GTF2F2: variants seen among roughly 807,000 people sequenced by gnomAD.
The protein encoded by GTF2F2 is ATP-dependent helicase GTF2F2.
A neutral mutation model predicts 42.2 loss-of-function variants in GTF2F2; 23 were observed. The ratio of observed to expected loss-of-function variants is 0.55; its 90% confidence interval spans 0.39 to 0.77. GTF2F2 has a LOEUF of 0.77. Ranked by LOEUF, GTF2F2 falls within the 30% of genes least tolerant of loss-of-function variation. The probability of loss-of-function intolerance (pLI) is 0.00; values close to 1 mark genes in which losing one functional copy is unlikely to be tolerated. For synonymous variants in GTF2F2, 105 were observed against 100.8 expected (o/e 1.04, Z -0.25); for missense variants, 261 against 287.2 (o/e 0.91, Z 0.66).
chr13:45,248,317 C>T (rs745433024), intron 5 of GTF2F2, among the ~76,000 whole-genome samples: 3 of 152,132 alleles, frequency 2.0e-5, no homozygotes, highest in Non-Finnish European at 4.4e-5. Flanking sequence ...AGCACTTTCT[C>T]TATGTCTATG....
chr13:45,267,400 C>T (rs748441615), intron 7 of GTF2F2, 24 bp downstream of exon 7: 12 of 1,489,208 alleles, frequency 8.1e-6, no homozygotes, highest in Middle Eastern at 3.5e-4. Context: ...CATACTGATC[C>T]TTTGAATATG....
chr13:45,246,959 A>C (rs1257525187), intron 5 of GTF2F2, among the ~76,000 whole-genome samples: 1 of 150,924 alleles, frequency 6.6e-6, no homozygotes, highest in Non-Finnish European at 1.5e-5. Context: ...AATGGTGTGA[A>C]CCCGGGAGGC....
At chr13:45,129,375 A>C (rs1380209751) in intron 1 of GTF2F2, among the ~76,000 whole-genome samples, 1 of 151,828 alleles carries the variant, frequency 6.6e-6, no homozygotes, top group Non-Finnish European at 1.5e-5. Context: ...ATGCCTGGCT[A>C]ATTTTTGTAT....
intron 6 of GTF2F2, among the ~76,000 whole-genome samples, chr13:45,265,500 C>G (rs1876527175): frequency 6.6e-6 from 1 of 152,144 alleles, no homozygotes; most frequent in Admixed American, 6.5e-5. Context: ...AGCATATAGT[C>G]ATGCTTAATC....
chr13:45,178,654 CAT>C (rs1343950453), intron 4 of GTF2F2, among the ~76,000 whole-genome samples: 4 of 151,924 alleles, frequency 2.6e-5, no homozygotes, highest in Non-Finnish European at 4.4e-5. Context: ...GTTTACCAAA[CAT>C]GTGACTTTAA....
At chr13:45,240,156 G>T (rs1446718886) in intron 5 of GTF2F2, among the ~76,000 whole-genome samples, 1 of 119,748 alleles carries the variant, frequency 8.4e-6, no homozygotes, top group Non-Finnish European at 1.6e-5. Context: ...CAACTGCCAT[G>T]CACTCTCCTA....
At chr13:45,126,401 A>G (rs1301955112) in intron 1 of GTF2F2, among the ~76,000 whole-genome samples, 1 of 151,818 alleles carries the variant, frequency 6.6e-6, no homozygotes, top group Non-Finnish European at 1.5e-5. Flanking sequence ...ACAGGCGTGC[A>G]CCACGACTCC....
At chr13:45,280,416 CT>C (rs1002127013) in intron 7 of GTF2F2, among the ~76,000 whole-genome samples, 3 of 152,168 alleles carry the variant, frequency 2.0e-5, no homozygotes, top group African/African-American at 7.2e-5. Flanking sequence ...ACTACTTTCT[CT>C]GCTAATGTTT....
chr13:45,156,455 C>T (rs903171775), intron 4 of GTF2F2, among the ~76,000 whole-genome samples: 4 of 152,118 alleles, frequency 2.6e-5, no homozygotes, highest in Non-Finnish European at 4.4e-5. Flanking sequence ...TCATAGCTAT[C>T]TAAAAGTTCA....
intron 4 of GTF2F2, among the ~76,000 whole-genome samples, chr13:45,162,719 C>T (rs545647115): frequency 1.3e-5 from 2 of 152,216 alleles, no homozygotes; most frequent in Non-Finnish European, 1.5e-5. Context: ...TTAAAAGAAA[C>T]CGCAGTGTAG....
chr13:45,229,134 C>T (rs905934676), intron 5 of GTF2F2, among the ~76,000 whole-genome samples: 2 of 152,118 alleles, frequency 1.3e-5, no homozygotes, highest in Non-Finnish European at 2.9e-5. Flanking sequence ...CTGCCCACCT[C>T]GGCCTCCCGA....
intron 5 of GTF2F2, among the ~76,000 whole-genome samples, chr13:45,233,721 C>T (rs1426708901): frequency 2.0e-5 from 3 of 152,142 alleles, no homozygotes; most frequent in Non-Finnish European, 2.9e-5. Context: ...TGAGGCCAGC[C>T]TGGGCAACAT....
At chr13:45,160,561 T>A (rs1400078930) in intron 4 of GTF2F2, among the ~76,000 whole-genome samples, 1 of 152,250 alleles carries the variant, frequency 6.6e-6, no homozygotes, top group Non-Finnish European at 1.5e-5. Flanking sequence ...ATTGGTTTCC[T>A]GAATTATGTA....
At chr13:45,135,116 G>C (rs1427507220) in intron 1 of GTF2F2, among the ~76,000 whole-genome samples, 1 of 152,046 alleles carries the variant, frequency 6.6e-6, no homozygotes, top group South Asian at 2.1e-4. Context: ...ACTGCGCCCA[G>C]CTAATTTTTG....
chr13:45,255,990 T>C (rs1368193074), intron 6 of GTF2F2, among the ~76,000 whole-genome samples: 2 of 152,188 alleles, frequency 1.3e-5, no homozygotes, highest in East Asian at 3.8e-4. Context: ...AGACCAGTGC[T>C]CAATGATATA....
intron 2 of GTF2F2, among the ~76,000 whole-genome samples, chr13:45,147,920 T>A (rs772694793): frequency 6.6e-6 from 1 of 152,246 alleles, no homozygotes; most frequent in Non-Finnish European, 1.5e-5. Context: ...GGTACATTTA[T>A]GGTATATACC....
chr13:45,269,522 C>T (rs1166854915), intron 7 of GTF2F2, among the ~76,000 whole-genome samples: 2 of 152,236 alleles, frequency 1.3e-5, no homozygotes, highest in East Asian at 3.9e-4. Flanking sequence ...CAACTATCCC[C>T]CTTTAAAAGG....
intron 5 of GTF2F2, among the ~76,000 whole-genome samples, chr13:45,245,666 A>AATATATATATATATATATATATATAT (rs372488927): frequency 4.5e-5 from 5 of 110,842 alleles, no homozygotes; most frequent in African/African-American, 1.6e-4. Flanking sequence ...CCATGGTGTG[A>AATATATATATATATATATATATATAT]ATATATATAT....
intron 5 of GTF2F2, among the ~76,000 whole-genome samples, chr13:45,241,184 A>AATATATATATATATATAT (rs71697631): frequency 5.9e-4 from 85 of 143,872 alleles, no homozygotes; most frequent in African/African-American, 2.1e-3. Flanking sequence ...ATAAATATAA[A>AATATATATATATATATAT]ATATATATAT....
Sources: gnomAD v4.1 joint callset for allele counts (sites outside exome capture counted in the v4.1 genomes callset) on GRCh38, gnomAD v4.1.1 for gene constraint, MANE v1.5 for transcripts, NCBI Gene and HGNC (gene_info 2026-07-23, HGNC 2026-07-21) for gene names.